The following LRP1B variants were observed in gnomAD, a reference collection of about 807,000 sequenced individuals.
LRP1B encodes low-density lipoprotein receptor-related protein 1B.
Under a neutral mutation model 556.6 loss-of-function variants are expected in LRP1B, and 217 were observed. The ratio of observed to expected loss-of-function variants is 0.39; its 90% CI spans 0.35 to 0.44. The LOEUF (loss-of-function observed/expected upper bound fraction) is 0.44. Among genes scored for constraint, LRP1B ranks in the 20% least tolerant of loss-of-function variants. LRP1B has a pLI of 1.00. For synonymous variants in LRP1B, 2,047 were observed against 1,865.8 expected, an observed-to-expected ratio of 1.10 and a Z score of -2.50; for missense variants, 5,053 against 5,620.8, an observed-to-expected ratio of 0.90 and a Z score of 3.23.
chr2:140,562,211 G>T (rs943779137), intron 43 of LRP1B, among the ~76,000 whole-genome samples: 1 of 152,056 alleles, frequency 6.6e-6, no homozygotes, highest in Non-Finnish European at 1.5e-5. Context: ...TATATAAATT[G>T]TGACTCAGTA....
At chr2:140,430,693 C>A (rs1250276892) in intron 66 of LRP1B, among the ~76,000 whole-genome samples, 2 of 152,152 alleles carry the variant, frequency 1.3e-5, no homozygotes, top group Non-Finnish European at 2.9e-5. Flanking sequence ...GCCTCACAGG[C>A]CCATTCTATT....
intron 84 of LRP1B, among the ~76,000 whole-genome samples, chr2:140,277,619 T>C (rs925221809): frequency 3.3e-5 from 5 of 151,344 alleles, no homozygotes; most frequent in African/African-American, 1.2e-4. Flanking sequence ...TCTAAATAAA[T>C]AAATAAATAA....
intron 31 of LRP1B, among the ~76,000 whole-genome samples, chr2:140,826,642 A>G (rs1245494399): frequency 6.6e-6 from 1 of 152,168 alleles, no homozygotes; most frequent in Admixed American, 6.5e-5. Flanking sequence ...GCCAGGCACC[A>G]TGCATGAATG....
At chr2:141,498,356 C>CTTT (rs67454706) in intron 2 of LRP1B, among the ~76,000 whole-genome samples, 4 of 144,126 alleles carry the variant, frequency 2.8e-5, no homozygotes, top group Non-Finnish European at 3.0e-5. Flanking sequence ...CTTTAAAATC[C>CTTT]TTTTTTTTTT....
chr2:141,578,396 C>CAAAAAAAA (rs554339088), intron 2 of LRP1B, among the ~76,000 whole-genome samples: 4 of 73,110 alleles, frequency 5.5e-5, no homozygotes, highest in Admixed American at 1.6e-4. Flanking sequence ...GAGTCCTTCT[C>CAAAAAAAA]AAAAAAAAAA....
intron 6 of LRP1B, among the ~76,000 whole-genome samples, chr2:141,189,930 TTAGA>T (rs1209804847): frequency 1.9e-4 from 2 of 10,664 alleles, no homozygotes; most frequent in Non-Finnish European, 7.2e-4. Context: ...TGAAGTTCCT[TTAGA>T]AGAAAGAAAG....
chr2:140,389,676 A>G (rs894720413), intron 66 of LRP1B, among the ~76,000 whole-genome samples: 1 of 146,622 alleles, frequency 6.8e-6, no homozygotes, highest in East Asian at 2.5e-4. Flanking sequence ...AAAACTGAAA[A>G]TGTTGTTTAA....
At chr2:141,186,923 G>A (rs911306033) in intron 7 of LRP1B, among the ~76,000 whole-genome samples, 1 of 151,960 alleles carries the variant, frequency 6.6e-6, no homozygotes, top group Admixed American at 6.6e-5. Flanking sequence ...AGTAGAAAAA[G>A]GGGAAAAACA....
chr2:141,666,954 C>T (rs1690463153), intron 2 of LRP1B, among the ~76,000 whole-genome samples: 1 of 152,096 alleles, frequency 6.6e-6, no homozygotes, highest in Non-Finnish European at 1.5e-5. Context: ...CACTGCTGCC[C>T]TCAGCTCATT....
intron 2 of LRP1B, among the ~76,000 whole-genome samples, chr2:141,495,775 T>C (rs958663924): frequency 6.6e-6 from 1 of 152,000 alleles, no homozygotes; most frequent in African/African-American, 2.4e-5. Context: ...AATAATGCTC[T>C]CCTATAAGCA....
At chr2:141,588,909 C>G (rs1051146999) in intron 2 of LRP1B, among the ~76,000 whole-genome samples, 1 of 152,090 alleles carries the variant, frequency 6.6e-6, no homozygotes, top group Admixed American at 6.6e-5. Context: ...AAAAATAAGA[C>G]AACAGGTCCA....
intron 1 of LRP1B, among the ~76,000 whole-genome samples, chr2:141,906,825 G>T (rs1196956648): frequency 6.6e-6 from 1 of 151,990 alleles, no homozygotes; most frequent in Non-Finnish European, 1.5e-5. Flanking sequence ...TTGTAATCTT[G>T]TAAAACTAGA....
At chr2:140,422,686 C>T (rs1039558529) in intron 66 of LRP1B, among the ~76,000 whole-genome samples, 1 of 152,036 alleles carries the variant, frequency 6.6e-6, no homozygotes, top group African/African-American at 2.4e-5. Flanking sequence ...AAAGAAGAAA[C>T]CAGGCTTAAA....
chr2:141,142,314 T>C (rs1701672468), intron 7 of LRP1B, among the ~76,000 whole-genome samples: 1 of 152,190 alleles, frequency 6.6e-6, no homozygotes. Context: ...CAGTTCAATT[T>C]CTAACTTGTT....
chr2:141,365,612 A>G (rs185191958), intron 3 of LRP1B, among the ~76,000 whole-genome samples: 176 of 149,714 alleles, frequency 1.2e-3, no homozygotes, highest in African/African-American at 4.2e-3. Flanking sequence ...AAACCAGTAA[A>G]GAAAAAACAT....
intron 43 of LRP1B, among the ~76,000 whole-genome samples, chr2:140,556,161 A>G (rs895128128): frequency 6.6e-6 from 1 of 152,118 alleles, no homozygotes; most frequent in Admixed American, 6.6e-5. Flanking sequence ...TTGAGAAAAC[A>G]GCAGAAGCAG....
intron 7 of LRP1B, among the ~76,000 whole-genome samples, chr2:141,082,464 T>C (rs919233036): frequency 7.2e-5 from 11 of 152,244 alleles, no homozygotes; most frequent in Admixed American, 1.3e-4. Context: ...TCAGAATACA[T>C]GACTCTCTGA....
At chr2:141,347,034 C>T (rs1020796687) in intron 3 of LRP1B, among the ~76,000 whole-genome samples, 1 of 152,026 alleles carries the variant, frequency 6.6e-6, no homozygotes, top group Non-Finnish European at 1.5e-5. Flanking sequence ...GAGCCAAAAG[C>T]AATTTAAGCA....
At chr2:141,069,945 C>G (rs950022963) in intron 7 of LRP1B, among the ~76,000 whole-genome samples, 6 of 117,784 alleles carry the variant, frequency 5.1e-5, no homozygotes, top group African/African-American at 1.9e-4. Flanking sequence ...TAAAGCTATA[C>G]CTCCCCCCTC....
Sources: gnomAD v4.1 joint callset for allele counts (sites outside exome capture counted in the v4.1 genomes callset) on GRCh38, gnomAD v4.1.1 for gene constraint, MANE v1.5 for transcripts, NCBI Gene and HGNC (gene_info 2026-07-23, HGNC 2026-07-21) for gene names.